The following TRPS1 variants were observed in gnomAD, a reference collection of about 807,000 sequenced individuals.
TRPS1 encodes transcriptional repressor GATA binding 1, also known as zinc finger transcription factor Trps1.
Under a neutral mutation model 101.2 loss-of-function variants are expected in TRPS1, and 6 were observed. The ratio of observed to expected loss-of-function variants is 0.06; its 90% CI spans 0.03 to 0.12. The LOEUF is 0.12. Ranked by LOEUF, TRPS1 falls within the 10% of genes least tolerant of loss-of-function variation. The probability of loss-of-function intolerance (pLI) is 1.00; values close to 1 mark genes in which losing one functional copy is unlikely to be tolerated. For missense variants in TRPS1, 1,363 were observed against 1,567.0 expected, an observed-to-expected ratio of 0.87 and a Z score of 2.20; for synonymous variants, 578 against 589.8, an observed-to-expected ratio of 0.98 and a Z score of 0.29.
chr8:115,543,651 T>C (rs1468875065), intron 5 of TRPS1, among the ~76,000 whole-genome samples: 1 of 152,164 alleles, frequency 6.6e-6, no homozygotes, highest in Non-Finnish European at 1.5e-5. Flanking sequence ...CTTTAGCGAT[T>C]TGTTTAAGCC....
intron 5 of TRPS1, among the ~76,000 whole-genome samples, chr8:115,545,064 A>C (rs1271121330): frequency 6.6e-6 from 1 of 152,142 alleles, no homozygotes; most frequent in East Asian, 1.9e-4. Context: ...GTATCTTCCA[A>C]ACAAAATTCT....
intron 5 of TRPS1, among the ~76,000 whole-genome samples, chr8:115,538,513 G>C (rs563220956): frequency 6.6e-6 from 1 of 151,788 alleles, no homozygotes; most frequent in East Asian, 1.9e-4. Context: ...AAAGCCAATG[G>C]AAAGACAATC....
intron 1 of TRPS1, among the ~76,000 whole-genome samples, chr8:115,660,413 C>CT (rs1811765735): frequency 6.6e-6 from 1 of 151,860 alleles, no homozygotes; most frequent in Non-Finnish European, 1.5e-5. Context: ...TTATACGGTA[C>CT]TGGATTCATT....
chr8:115,510,751 C>T (rs890710824), intron 5 of TRPS1, among the ~76,000 whole-genome samples: 1 of 151,878 alleles, frequency 6.6e-6, no homozygotes, highest in Non-Finnish European at 1.5e-5. Flanking sequence ...TGTCACGTTG[C>T]TTTATTTGTC....
chr8:115,631,632 T>G (rs1818643149), intron 1 of TRPS1, among the ~76,000 whole-genome samples: 1 of 114,380 alleles, frequency 8.7e-6, no homozygotes, highest in Non-Finnish European at 1.7e-5. Flanking sequence ...TCTTATTAGA[T>G]GCATGGATGG....
chr8:115,480,550 T>C (rs1814726715), intron 5 of TRPS1, among the ~76,000 whole-genome samples: 1 of 152,066 alleles, frequency 6.6e-6, no homozygotes, highest in Admixed American at 6.6e-5. Flanking sequence ...TTGATTTTTA[T>C]TGTCCTCATT....
chr8:115,463,460 C>T (rs1304939460), intron 5 of TRPS1, among the ~76,000 whole-genome samples: 1 of 152,122 alleles, frequency 6.6e-6, no homozygotes, highest in Non-Finnish European at 1.5e-5. Flanking sequence ...TTCCTAGACA[C>T]AACAATGACA....
rs1812738496 is a variant in TRPS1, at chr8:115,409,505, T to A, written c.*4518A>T. 1 of 152,094 alleles carries A rather than the reference T, an allele frequency of 6.6e-6. No homozygotes were observed. The highest frequency in any genetic ancestry group is 6.6e-5 in the Admixed American group (1 of 15,234). 9.4% of individuals were successfully genotyped at this position (152,094 alleles called of 1,614,324 possible). Reference sequence around the variant, plus strand: ...TCTTGAATTTCACATTTTCTTCATGTGACATACTTGACATACTTCTGCCCT... The same window carrying A: ...TCTTGAATTTCACATTTTCTTCATGAGACATACTTGACATACTTCTGCCCT... On this transcript the variant is annotated 3_prime_UTR_variant, in exon 7 of 7. Coordinates refer to ENST00000395715, the MANE Select transcript of TRPS1 (RefSeq NM_014112.5).
At chr8:115,503,952 T>C (rs181606254) in intron 5 of TRPS1, among the ~76,000 whole-genome samples, 1 of 152,336 alleles carries the variant, frequency 6.6e-6, no homozygotes. Flanking sequence ...AACTTACATA[T>C]TTTTCCAAGG....
In TRPS1 at chr8:115,535,590, G is replaced by A. The variant is rs192032020; in HGVS notation, c.2700+51411C>T. On this transcript the variant is annotated intron_variant, in intron 5 of 6. Coordinates refer to ENST00000395715, the MANE Select transcript of TRPS1 (RefSeq NM_014112.5). ...AATTAGTATTTCACAGGCTGGGTGC[G>A]GTGGCTCACCCCTGTAATCCCAGCA... Among the ~76,000 whole-genome samples, 282 of 150,038 alleles carry A rather than the reference G, an allele frequency of 1.9e-3. 1 individual carries two copies. The highest frequency in any genetic ancestry group is 3.4e-3 in the Non-Finnish European group (230 of 67,570).
At chr8:115,594,308 G>GA (rs920255734) in intron 4 of TRPS1, among the ~76,000 whole-genome samples, 9 of 151,744 alleles carry the variant, frequency 5.9e-5, no homozygotes, top group Admixed American at 5.9e-4. Flanking sequence ...TATTATCTGA[G>GA]AAAAAAAGAT....
chr8:115,510,275 C>T (rs1193763346), intron 5 of TRPS1, among the ~76,000 whole-genome samples: 1 of 151,932 alleles, frequency 6.6e-6, no homozygotes, highest in African/African-American at 2.4e-5. Flanking sequence ...GCCATATAAA[C>T]ATATATTCCA....
intron 5 of TRPS1, among the ~76,000 whole-genome samples, chr8:115,533,434 C>CTT (rs1427634638): frequency 3.1e-5 from 1 of 32,326 alleles, no homozygotes; most frequent in African/African-American, 1.1e-4. Flanking sequence ...CACATGTAAT[C>CTT]TGTTTTTTTT....
chr8:115,567,069 C>G (rs975118622), intron 5 of TRPS1, among the ~76,000 whole-genome samples: 5 of 152,086 alleles, frequency 3.3e-5, no homozygotes, highest in African/African-American at 1.2e-4. Context: ...ATATTTCTTG[C>G]CAACTATGGC....
At chr8:115,622,429 A>G (rs1488910186) in intron 2 of TRPS1, among the ~76,000 whole-genome samples, 5 of 152,200 alleles carry the variant, frequency 3.3e-5, no homozygotes, top group Non-Finnish European at 7.4e-5. Flanking sequence ...CATTTAAAAT[A>G]TAAGGTTGAG....
intron 1 of TRPS1, among the ~76,000 whole-genome samples, chr8:115,653,596 G>A (rs889794289): frequency 2.6e-5 from 4 of 151,960 alleles, no homozygotes; most frequent in Non-Finnish European, 4.4e-5. Context: ...TTCATTTAAA[G>A]GAATAACTAT....
rs1369535779 is a variant in TRPS1, at chr8:115,414,788, A to G, written c.3120T>C (p.Asp1040=). The change falls in exon 7 of 7, where the codon GAT becomes GAC. Residue 1040 remains aspartate, a synonymous_variant. Coordinates refer to ENST00000395715, the MANE Select transcript of TRPS1 (RefSeq NM_014112.5). The surrounding 1 kb of genome is among the most constrained non-coding windows in gnomAD (Gnocchi z 4.8). ...GCAAAGGTTGCATCCTTTTGTGAATATCCAGAGTTTGGCTGACCAGGACTG... is the reference window on the plus strand; with the variant it reads ...GCAAAGGTTGCATCCTTTTGTGAATGTCCAGAGTTTGGCTGACCAGGACTG... The part of the protein sequence containing the change: ...QQPVLVSQTL[D]IHKRMQPLHI... The G allele has an allele frequency of 1.2e-6, 2 of 1,614,046 alleles. No individual in the cohort carries two copies. The highest frequency in any genetic ancestry group is 4.5e-5 in the East Asian group (2 of 44,872).
Position 115,587,044 on chromosome 8 carries a change from G to A in TRPS1, c.2657C>T (p.Ser886Leu), listed in dbSNP as rs142472404. ...SGALPQQYPA[S>L]GENKSKDESQ... ...TTCATCCTTGGACTTGTTTTCTCCC[G>A]ATGCAGGATACTGCTGGGGGAGGGC... The change falls in exon 5 of 7, where the codon TCG (serine) becomes TTG (leucine). Residue 886 changes from serine to leucine, a missense_variant. Physicochemically the swap from Ser to Leu is moderately radical, Grantham distance 145. Around this residue, in one of 5 missense-constraint regions of TRPS1, gnomAD observed 1,020 missense variants for 1,073.0 expected, o/e 0.95. Transcript: ENST00000395715. The A allele has an allele frequency of 8.7e-5, 141 of 1,614,134 alleles. No homozygotes were observed. In the African/African-American group the frequency reaches 1.5e-3, roughly 17 times the overall value.
chr8:115,510,001 G>T (rs1815542699), intron 5 of TRPS1, among the ~76,000 whole-genome samples: 1 of 151,934 alleles, frequency 6.6e-6, no homozygotes, highest in South Asian at 2.1e-4. Context: ...AAACATCAAT[G>T]GTTGAACCCT....
Sources: gnomAD v4.1 joint callset for allele counts (sites outside exome capture counted in the v4.1 genomes callset) on GRCh38, gnomAD v4.1.1 for gene constraint, gnomAD v4.1.1 regional missense constraint, Gnocchi (gnomAD v3.1) non-coding constraint, MANE v1.5 for transcripts, NCBI Gene and HGNC (gene_info 2026-07-23, HGNC 2026-07-21) for gene names.